The following DPP4 variants were observed in gnomAD, a reference collection of about 807,000 sequenced individuals.
The protein encoded by DPP4 is dipeptidyl peptidase 4.
In DPP4, 93 loss-of-function variants were observed where a neutral mutation model predicts 122.4. The observed-to-expected ratio is 0.76, with a 90% confidence interval of 0.64 to 0.90. The LOEUF (loss-of-function observed/expected upper bound fraction) is 0.90, where lower values mean the gene tolerates loss of function less well. Among genes scored for constraint, DPP4 ranks in the 40% least tolerant of loss-of-function variants. The probability of loss-of-function intolerance (pLI) is 0.00; values close to 1 mark genes in which losing one functional copy is unlikely to be tolerated. For synonymous variants in DPP4, 321 were observed against 302.9 expected (o/e 1.06, Z -0.62); for missense variants, 914 against 907.3 (o/e 1.01, Z -0.09).
rs117655964 is a variant in DPP4 at position 162,037,371 on chromosome 2, G to T, written c.613+931C>A. On this transcript the variant is annotated intron_variant, in intron 8 of 25. Transcript: ENST00000360534. Reference sequence around the variant, plus strand: ...AAGAATCTCTAAGTAGCTAGTGCTAGTAAATTTCATTGTAAGTTTTAGTCA... The same window carrying T: ...AAGAATCTCTAAGTAGCTAGTGCTATTAAATTTCATTGTAAGTTTTAGTCA... Among the ~76,000 whole-genome samples the T allele has an allele frequency of 6.2e-4, 94 of 152,308 alleles. 1 individual carries two copies. In the East Asian group the frequency reaches 0.015, roughly 25 times the overall value.
intron 19 of DPP4, among the ~76,000 whole-genome samples, chr2:162,013,886 T>C (rs1682804379): frequency 1.3e-5 from 2 of 152,224 alleles, no homozygotes; most frequent in South Asian, 4.1e-4. Context: ...CAAAGACTTG[T>C]GACTTCCTAA....
At chr2:162,054,184 T>C (rs1684483871) in intron 2 of DPP4, among the ~76,000 whole-genome samples, 1 of 152,218 alleles carries the variant, frequency 6.6e-6, no homozygotes, top group East Asian at 1.9e-4. Context: ...TTATTAACCG[T>C]TTCTTGCTAT....
In DPP4 at chr2:162,038,420, T is replaced by C. The variant is rs775037943; in HGVS notation, c.495A>G (p.Ala165=). 3 of 1,596,568 alleles carry C rather than the reference T, an allele frequency of 1.9e-6. No individual in the cohort carries two copies. The highest frequency in any genetic ancestry group is 8.5e-7 in the Non-Finnish European group (1 of 1,173,990). ...VTWSPVGHKL[A]YVWNNDIYVK... ...CATAAATGTCATTGTTCCAAACATATGCCTAGAAGGAAAAAAAACAAGCAT... is the reference window on the plus strand; with the variant it reads ...CATAAATGTCATTGTTCCAAACATACGCCTAGAAGGAAAAAAAACAAGCAT... Residue 165 remains alanine, a splice_region_variant and synonymous_variant, in exon 8 of 26, where the codon GCA becomes GCG. Coordinates refer to ENST00000360534, the MANE Select transcript of DPP4 (RefSeq NM_001935.4).
chr2:162,070,375 C>T (rs575780383), intron 2 of DPP4, among the ~76,000 whole-genome samples: 24 of 152,186 alleles, frequency 1.6e-4, no homozygotes, highest in African/African-American at 5.5e-4. Context: ...TCTAGTTTTG[C>T]TAAAGTAAGC....
At position 162,009,149 on chromosome 2, in the gene DPP4, A is replaced by G. The variant is rs1050937682; in HGVS notation, c.1887+92T>C. Reference sequence around the variant, plus strand: ...CTAAGACTTGATAGATGTGATTTTCACCTCCAAATATGTATATACAAAAGA... The same window carrying G: ...CTAAGACTTGATAGATGTGATTTTCGCCTCCAAATATGTATATACAAAAGA... On this transcript the variant is annotated intron_variant, in intron 21 of 25. Coordinates refer to ENST00000360534, the MANE Select transcript of DPP4 (RefSeq NM_001935.4). 5.0e-5 allele frequency: 66 copies of G among 1,323,344 alleles called. No individual in the cohort carries two copies. The Admixed American group carries it at 1.1e-3, about 22-fold the overall frequency. 82.0% of individuals were successfully genotyped at this position (1,323,344 alleles called of 1,614,324 possible).
At chr2:162,061,814 C>A (rs1684784167) in intron 2 of DPP4, among the ~76,000 whole-genome samples, 1 of 152,172 alleles carries the variant, frequency 6.6e-6, no homozygotes, top group African/African-American at 2.4e-5. Flanking sequence ...TGAAAAACTC[C>A]TGCCCTTATG....
rs1685227144 is a variant in DPP4 at position 162,074,144 on chromosome 2, T to C, written c.-163A>G. Reference sequence around the variant, plus strand: ...AAACATTAGTGAGCGCCGAGCCCGCTGGGTATAAAGGCGCCGCGGGCAGGC... The same window carrying C: ...AAACATTAGTGAGCGCCGAGCCCGCCGGGTATAAAGGCGCCGCGGGCAGGC... On this transcript the variant is annotated 5_prime_UTR_variant, in exon 1 of 26. Coordinates refer to ENST00000360534, the MANE Select transcript of DPP4 (RefSeq NM_001935.4). 1 of 1,389,272 alleles carries C rather than the reference T, an allele frequency of 7.2e-7. No individual in the cohort carries two copies. Among genetic ancestry groups the C allele is most frequent in the African/African-American group, 1.5e-5 (1 of 66,766 alleles). 86.1% of individuals were successfully genotyped at this position (1,389,272 alleles called of 1,614,324 possible).
intron 23 of DPP4, among the ~76,000 whole-genome samples, chr2:161,998,145 G>A (rs187195255): frequency 1.8e-4 from 27 of 152,166 alleles, no homozygotes; most frequent in African/African-American, 4.3e-4. Context: ...CGCAAGTGAC[G>A]TATAGCCTAA....
In DPP4 at chr2:162,022,772, T is replaced by C. The variant is rs755540270; in HGVS notation, c.1051A>G (p.Thr351Ala). The change falls in exon 12 of 26, where the codon ACT becomes GCT. Residue 351 changes from threonine to alanine, a missense_variant. Transcript: ENST00000360534. ...VARQHIEMSTTGWVGRFRPSE... is the reference protein window; with the variant it reads ...VARQHIEMSTAGWVGRFRPSE... ...ACACTTACTCTTCCAACCCAGCCAG[T>C]AGTACTCATTTCAATGTGTTGCCGT... 9 of 1,614,014 alleles carry C rather than the reference T, an allele frequency of 5.6e-6. No homozygotes were observed. The East Asian group carries it at 2.0e-4, about 36-fold the overall frequency.
At chr2:162,006,325 G>C (rs1219922880) in intron 22 of DPP4, among the ~76,000 whole-genome samples, 1 of 152,036 alleles carries the variant, frequency 6.6e-6, no homozygotes, top group Non-Finnish European at 1.5e-5. Flanking sequence ...TTTCCTTTTG[G>C]AGACCCCTAA....
rs1167255375 is a variant in DPP4 at position 162,038,503 on chromosome 2, T to C, written c.493-81A>G. ...CGGAATTGTAGAAACACTTATCTAT[T>C]GCAAATGTAAGGATTACCATAGTCA... On this transcript the variant is annotated intron_variant, in intron 7 of 25. Transcript: ENST00000360534. 7.8e-6 allele frequency: 11 copies of C among 1,408,448 alleles called. No homozygotes were observed. In the Admixed American group the frequency reaches 1.4e-4, roughly 18 times the overall value. The allele number at this position is 1,408,448 out of a possible 1,614,324, so 87.2% of individuals were successfully genotyped here.
intron 23 of DPP4, among the ~76,000 whole-genome samples, chr2:162,004,397 T>C (rs1003380891): frequency 6.6e-6 from 1 of 152,122 alleles, no homozygotes; most frequent in South Asian, 2.1e-4. Flanking sequence ...ATGGGAAGAA[T>C]TGAGCCCTAA....
intron 10 of DPP4, among the ~76,000 whole-genome samples, chr2:162,031,767 T>A (rs1683558205): frequency 6.6e-6 from 1 of 152,132 alleles, no homozygotes; most frequent in Admixed American, 6.5e-5. Context: ...GGGGCATTTA[T>A]CTGAATGTTT....
Position 162,017,411 on chromosome 2 carries a change from C to G in DPP4, c.1421-256G>C, listed in dbSNP as rs1363096392. On this transcript the variant is annotated intron_variant, in intron 16 of 25. Transcript: ENST00000360534. ...ATGAAGTAGGAAATGAATCTGTGCC[C>G]TGCTGGGCACCTTGGGCACATTATC... is the stretch of plus-strand genomic sequence containing the variant. 74 of 459,464 alleles carry G rather than the reference C, an allele frequency of 1.6e-4. No individual in the cohort carries two copies. In the Admixed American group the frequency reaches 2.8e-3, roughly 17 times the overall value. 28.5% of individuals were successfully genotyped at this position (459,464 alleles called of 1,614,324 possible).
chr2:162,004,820 G>T (rs1701240875), intron 23 of DPP4, among the ~76,000 whole-genome samples: 1 of 152,158 alleles, frequency 6.6e-6, no homozygotes, highest in Non-Finnish European at 1.5e-5. Context: ...CAGATGAAAA[G>T]AAATTGTGTT....
At chr2:162,043,374 A>G (rs955739626) in intron 5 of DPP4, among the ~76,000 whole-genome samples, 2 of 152,186 alleles carry the variant, frequency 1.3e-5, no homozygotes, top group East Asian at 3.8e-4. Flanking sequence ...TAGGTGGCAT[A>G]GGTGTGGCAT....
At chr2:162,025,975 C>A (rs1472512593) in intron 10 of DPP4, among the ~76,000 whole-genome samples, 1 of 152,128 alleles carries the variant, frequency 6.6e-6, no homozygotes, top group Non-Finnish European at 1.5e-5. Context: ...GTCCCCAGGG[C>A]CTAGCAGAAT....
intron 2 of DPP4, among the ~76,000 whole-genome samples, chr2:162,058,306 C>T (rs1366800077): frequency 6.6e-6 from 1 of 152,148 alleles, no homozygotes; most frequent in African/African-American, 2.4e-5. Context: ...CCCTGTGGTG[C>T]CCGAGGTAGG....
chr2:162,041,840 A>G (rs188426256), intron 5 of DPP4, among the ~76,000 whole-genome samples: 30 of 152,322 alleles, frequency 2.0e-4, no homozygotes, highest in African/African-American at 7.0e-4. Context: ...ACATTACTGG[A>G]TAACACAGAG....
Sources: allele counts gnomAD v4.1 joint callset (sites outside exome capture counted in the v4.1 genomes callset), GRCh38; gene constraint gnomAD v4.1.1; transcripts MANE v1.5; gene names NCBI Gene and HGNC (gene_info 2026-07-23, HGNC 2026-07-21).